Variants in CDH18 observed in about 807,000 individuals in gnomAD.
CDH18 encodes the protein cadherin-18.
A neutral mutation model predicts 67.9 loss-of-function variants in CDH18; 31 were observed. The ratio of observed to expected loss-of-function variants is 0.46; its 90% CI spans 0.34 to 0.62. The LOEUF is 0.62. Ranked by LOEUF, CDH18 falls within the 20% of genes least tolerant of loss-of-function variation. The probability of loss-of-function intolerance (pLI) is 0.01; values close to 1 mark genes in which losing one functional copy is unlikely to be tolerated. For synonymous variants in CDH18, 362 were observed against 347.2 expected, an observed-to-expected ratio of 1.04 and a Z score of -0.48; for missense variants, 890 against 975.5, an observed-to-expected ratio of 0.91 and a Z score of 1.17.
intron 4 of CDH18, among the ~76,000 whole-genome samples, chr5:19,740,397 T>C (rs1768951370): frequency 6.6e-6 from 1 of 152,058 alleles, no homozygotes; most frequent in Non-Finnish European, 1.5e-5. Context: ...AAAAAATGAC[T>C]GCAATAGAAA....
rs538016081 is a variant in CDH18, at chr5:20,275,173, T to A, written c.-579-19668A>T. Among the ~76,000 whole-genome samples the A allele has an allele frequency of 7.2e-5, 11 of 152,202 alleles. No individual in the cohort carries two copies. The South Asian group carries it at 2.3e-3, about 32-fold the overall frequency. On this transcript the variant is annotated intron_variant, in intron 1 of 14. Transcript: ENST00000507958. The stretch of plus-strand genomic sequence containing the variant: ...CCACTTGATATGATTCGGCTTTGTG[T>A]CTCTGCCCAAATCTCATGGCAAATT...
At chr5:19,586,013 C>T (rs994970418) in intron 7 of CDH18, among the ~76,000 whole-genome samples, 6 of 151,828 alleles carry the variant, frequency 4.0e-5, no homozygotes, top group African/African-American at 1.2e-4. Flanking sequence ...AGCTATAAAG[C>T]GGGGATAATA....
intron 8 of CDH18, among the ~76,000 whole-genome samples, chr5:19,565,896 G>A (rs895913620): frequency 6.6e-6 from 1 of 151,966 alleles, no homozygotes; most frequent in African/African-American, 2.4e-5. Flanking sequence ...AAAAGCTTCT[G>A]CACATCAAAG....
chr5:20,511,486 A>G (rs543430541), intron 1 of CDH18, among the ~76,000 whole-genome samples: 1 of 152,296 alleles, frequency 6.6e-6, no homozygotes, highest in South Asian at 2.1e-4. Context: ...GTTTCATAAT[A>G]TATATATTCT....
intron 2 of CDH18, among the ~76,000 whole-genome samples, chr5:19,933,980 C>A (rs1387236599): frequency 6.6e-6 from 1 of 151,360 alleles, no homozygotes; most frequent in Non-Finnish European, 1.5e-5. Flanking sequence ...CAATTCATAG[C>A]TACTTGGATG....
At chr5:20,241,213 C>CT (rs1039314220) in intron 2 of CDH18, among the ~76,000 whole-genome samples, 2 of 152,066 alleles carry the variant, frequency 1.3e-5, no homozygotes, top group East Asian at 1.9e-4. Context: ...GTCAAAACAA[C>CT]TTTTTTTATA....
intron 5 of CDH18, among the ~76,000 whole-genome samples, chr5:19,695,672 G>A (rs1762449552): frequency 6.6e-6 from 1 of 152,306 alleles, no homozygotes; most frequent in East Asian, 1.9e-4. Context: ...AATCAGGAAT[G>A]GGTTAGTGCT....
chr5:20,028,115 T>TG (rs1561727665), intron 2 of CDH18, among the ~76,000 whole-genome samples: 1 of 152,020 alleles, frequency 6.6e-6, no homozygotes, highest in African/African-American at 2.4e-5. Flanking sequence ...TTTTTTTTTT[T>TG]GCAAACATAA....
At chr5:20,522,496 C>A (rs62355219) in intron 1 of CDH18, among the ~76,000 whole-genome samples, 3,225 of 152,190 alleles carry the variant, frequency 0.021, 55 homozygotes, top group African/African-American at 0.044. Flanking sequence ...GAATATATTT[C>A]TTCAGCAACA....
intron 2 of CDH18, among the ~76,000 whole-genome samples, chr5:20,067,812 C>T (rs932925111): frequency 1.3e-5 from 2 of 151,960 alleles, no homozygotes. Flanking sequence ...TAGTTCATTC[C>T]TAAGGAAAGA....
chr5:20,241,805 TTGCGCCAC>T (rs1742920711), intron 2 of CDH18, among the ~76,000 whole-genome samples: 1 of 150,166 alleles, frequency 6.7e-6, no homozygotes, highest in South Asian at 2.1e-4. Flanking sequence ...TGAGCCAAGA[TTGCGCCAC>T]TGCACTCCAG....
At chr5:20,239,197 G>A (rs1444224652) in intron 2 of CDH18, among the ~76,000 whole-genome samples, 1 of 152,174 alleles carries the variant, frequency 6.6e-6, no homozygotes, top group African/African-American at 2.4e-5. Context: ...GCTCATGCCT[G>A]TAATCCCAGA....
Position 19,838,744 on chromosome 5 carries a change from TA to T in CDH18, c.228+14del, listed in dbSNP as rs780027030. The T allele has an allele frequency of 8.2e-6, 13 of 1,577,626 alleles. No homozygotes were observed. Among genetic ancestry groups the T allele is most frequent in the Non-Finnish European group, 1.1e-5 (13 of 1,148,094 alleles). ...TCTCAGGATAGAAAAAACAGCAAAA[TA>T]AACAAAATCTTACCTTTCCAACATA... On this transcript the variant is annotated intron_variant, in intron 3 of 12. Coordinates refer to ENST00000382275, the MANE Select transcript of CDH18 (RefSeq NM_004934.5).
intron 1 of CDH18, among the ~76,000 whole-genome samples, chr5:20,366,878 C>A (rs1013291095): frequency 2.6e-5 from 4 of 152,076 alleles, no homozygotes; most frequent in Admixed American, 2.0e-4. Flanking sequence ...ATGATTGGGA[C>A]CCAAGGCATT....
chr5:20,066,337 C>T (rs547048600), intron 2 of CDH18, among the ~76,000 whole-genome samples: 168 of 151,994 alleles, frequency 1.1e-3, no homozygotes, highest in Non-Finnish European at 2.1e-3. Flanking sequence ...ACCAGAAAAA[C>T]GCTACACTTT....
intron 1 of CDH18, among the ~76,000 whole-genome samples, chr5:20,449,839 A>G (rs1191931486): frequency 2.0e-5 from 3 of 151,910 alleles, no homozygotes; most frequent in Non-Finnish European, 2.9e-5. Flanking sequence ...AAAAATATAT[A>G]TATATAATTG....
At chr5:20,262,969 A>AGAAGGGAAGG (rs971682036) in intron 1 of CDH18, among the ~76,000 whole-genome samples, 1 of 131,200 alleles carries the variant, frequency 7.6e-6, no homozygotes, top group Non-Finnish European at 1.6e-5. Context: ...AATGGGGGAA[A>AGAAGGGAAGG]GAAGGGAAGG....
intron 5 of CDH18, among the ~76,000 whole-genome samples, chr5:19,700,202 A>T (rs1028723532): frequency 6.6e-6 from 1 of 152,206 alleles, no homozygotes; most frequent in Non-Finnish European, 1.5e-5. Flanking sequence ...AGGGTTCCTA[A>T]CCAAACTTTA....
intron 3 of CDH18, among the ~76,000 whole-genome samples, chr5:19,806,922 G>A (rs920878413): frequency 2.6e-5 from 4 of 152,170 alleles, no homozygotes; most frequent in African/African-American, 9.7e-5. Flanking sequence ...ATAAAGTGTA[G>A]TTAAACTAGA....
Sources: allele counts gnomAD v4.1 joint callset (sites outside exome capture counted in the v4.1 genomes callset), GRCh38; gene constraint gnomAD v4.1.1; transcripts MANE v1.5; gene names NCBI Gene and HGNC (gene_info 2026-07-23, HGNC 2026-07-21).